KIF14: variants seen among roughly 807,000 people sequenced by gnomAD.
KIF14 encodes the protein kinesin-like protein KIF14.
A neutral mutation model predicts 176.2 loss-of-function variants in KIF14; 98 were observed. That is an observed-to-expected ratio of 0.56 (90% CI 0.47 to 0.66). The LOEUF (loss-of-function observed/expected upper bound fraction) is 0.66, where lower values mean the gene tolerates loss of function less well. Among genes scored for constraint, KIF14 ranks in the 30% least tolerant of loss-of-function variants. The pLI is 0.00. For missense variants in KIF14, 1,751 were observed against 1,920.4 expected (o/e 0.91, Z 1.65); for synonymous variants, 566 against 632.2 (o/e 0.90, Z 1.57).
chr1:200,576,773 G>A (rs927003602), intron 21 of KIF14, among the ~76,000 whole-genome samples: 3 of 151,994 alleles, frequency 2.0e-5, no homozygotes, highest in Admixed American at 6.6e-5. Flanking sequence ...TATACTTCAC[G>A]TTTATGACAT....
intron 19 of KIF14, 140 bp from the exon 20 acceptor site, chr1:200,581,434 AT>A (rs1658448646): frequency 2.4e-6 from 1 of 420,670 alleles, no homozygotes; most frequent in African/African-American, 2.1e-5. Context: ...GATAAGTGAT[AT>A]TTGAGTAATT....
At chr1:200,582,380 A>AG (rs1237729561) in intron 19 of KIF14, among the ~76,000 whole-genome samples, 2 of 152,036 alleles carry the variant, frequency 1.3e-5, no homozygotes, top group Non-Finnish European at 2.9e-5. Context: ...CTCAAAAAAA[A>AG]AAAATTTATC....
At chr1:200,593,573 AC>A in intron 15 of KIF14, 93 bp downstream of exon 15, 1 of 830,762 alleles carries the variant, frequency 1.2e-6, no homozygotes, top group Non-Finnish European at 2.0e-6. Context: ...CTGCTTCAAC[AC>A]CCTTATCTTA....
At chr1:200,576,474 T>C (rs1397461924) in intron 21 of KIF14, among the ~76,000 whole-genome samples, 1 of 114,200 alleles carries the variant, frequency 8.8e-6, no homozygotes, top group African/African-American at 3.8e-5. Flanking sequence ...CGAGACTCCG[T>C]CTCAAAAAAA....
chr1:200,565,887 C>G (rs1657421418), intron 23 of KIF14, among the ~76,000 whole-genome samples: 1 of 152,274 alleles, frequency 6.6e-6, no homozygotes, highest in Admixed American at 6.5e-5. Context: ...CCATGCTATA[C>G]TTGTGTATGT....
At position 200,553,396 on chromosome 1, in the gene KIF14, A is replaced by T. The variant is rs1274413806; in HGVS notation, c.4939T>A (p.Trp1647Arg). The T allele has an allele frequency of 6.2e-7, 1 of 1,605,566 alleles. No homozygotes were observed. Among genetic ancestry groups the T allele is most frequent in the Admixed American group, 1.7e-5 (1 of 58,528 alleles). The change falls in exon 30 of 30, where the codon TGG (tryptophan) becomes AGG (arginine). Residue 1647 changes from tryptophan (W) to arginine (R), a missense_variant. By Grantham distance (101) the Trp-to-Arg change is moderately radical (BLOSUM62 -3). Coordinates refer to ENST00000367350, the MANE Select transcript of KIF14 (RefSeq NM_014875.3). ...TGCCTACACATCAGTATTCACACCC[A>T]CTGAATCCTACTGGGTGTGCATTCC... is the stretch of plus-strand genomic sequence containing the variant. Reference protein sequence around the residue: ...SEECTPSRIQWV With the variant: ...SEECTPSRIQRV
intron 25 of KIF14, among the ~76,000 whole-genome samples, chr1:200,562,573 A>G (rs1657222070): frequency 6.6e-6 from 1 of 152,246 alleles, no homozygotes. Context: ...CTATTCTAGT[A>G]CTGCCTCTAA....
chr1:200,572,586 G>T (rs545461183), intron 22 of KIF14, among the ~76,000 whole-genome samples: 1 of 152,038 alleles, frequency 6.6e-6, no homozygotes, highest in African/African-American at 2.4e-5. Flanking sequence ...CTTGTGATCC[G>T]CCCACCTTGG....
intron 20 of KIF14, 148 bp downstream of exon 20, chr1:200,581,053 G>A (rs968726729): frequency 1.3e-5 from 5 of 393,296 alleles, no homozygotes; most frequent in Non-Finnish European, 2.3e-5. Flanking sequence ...GGTGGAGGTT[G>A]CAGTGAGCCC....
Position 200,618,010 on chromosome 1 carries a change from T to A in KIF14, c.714A>T (p.Lys238Asn). The A allele has an allele frequency of 6.2e-7, 1 of 1,614,198 alleles. No homozygotes were observed. The highest frequency in any genetic ancestry group is 8.5e-7 in the Non-Finnish European group (1 of 1,180,020). The change falls in exon 2 of 30, where the codon AAA becomes AAT. Residue 238 changes from lysine (K) to asparagine (N), a missense_variant. Transcript: ENST00000367350. ...EVVRSGHLTT[K>N]PTQSKLDIKV... ...TGATATCCAACTTGCTCTGAGTAGG[T>A]TTCGTTGTCAAGTGTCCTGATCTAA...
intron 4 of KIF14, among the ~76,000 whole-genome samples, chr1:200,610,293 G>T (rs1267786830): frequency 6.6e-6 from 1 of 152,110 alleles, no homozygotes; most frequent in Non-Finnish European, 1.5e-5. Flanking sequence ...GAGGTCAGGG[G>T]ATCGAGACCA....
At chr1:200,607,449 G>C (rs1659937542) in intron 5 of KIF14, among the ~76,000 whole-genome samples, 1 of 152,064 alleles carries the variant, frequency 6.6e-6, no homozygotes, top group South Asian at 2.1e-4. Context: ...TGTCTTCCTA[G>C]TTTTTCAGTA....
chr1:200,555,530 G>T, intron 27 of KIF14, 76 bp from the exon 28 acceptor site: 1 of 801,516 alleles, frequency 1.2e-6, no homozygotes, highest in Non-Finnish European at 1.8e-6. Flanking sequence ...CATGGGACCA[G>T]ACTTTTAAAA....
chr1:200,613,416 C>G (rs1660254385), intron 4 of KIF14, among the ~76,000 whole-genome samples: 1 of 152,170 alleles, frequency 6.6e-6, no homozygotes, highest in South Asian at 2.1e-4. Flanking sequence ...CTCCCTCCAA[C>G]TTTATATGTC....
chr1:200,606,855 G>T, intron 5 of KIF14, 57 bp from the exon 6 acceptor site: 1 of 1,319,034 alleles, frequency 7.6e-7, no homozygotes, highest in Non-Finnish European at 1.1e-6. Context: ...CATGTAACTT[G>T]AAATGATCAC....
At chr1:200,609,679 G>C (rs1191394014) in intron 4 of KIF14, among the ~76,000 whole-genome samples, 3 of 152,038 alleles carry the variant, frequency 2.0e-5, no homozygotes, top group Non-Finnish European at 2.9e-5. Flanking sequence ...ATAGAAATTT[G>C]GAAATTCCAC....
Position 200,575,576 on chromosome 1 carries a change from C to T in KIF14, c.3566+15G>A, listed in dbSNP as rs777794347. The T allele has an allele frequency of 2.6e-6, 4 of 1,523,468 alleles. No individual in the cohort carries two copies. In the Admixed American group the frequency reaches 5.5e-5, roughly 21 times the overall value. 94.4% of individuals were successfully genotyped at this position (1,523,468 alleles called of 1,614,324 possible). A position where few individuals can be genotyped will look rare whatever the true frequency, so the allele number is the denominator to read the frequency against. ...ACACAAAGTGCAAGAAAACTAGTAA[C>T]AAAATTGTCTTTACCTCCTTCTAGA... is the stretch of plus-strand genomic sequence containing the variant. On this transcript the variant is annotated intron_variant, in intron 22 of 29. Coordinates refer to ENST00000367350, the MANE Select transcript of KIF14 (RefSeq NM_014875.3).
chr1:200,580,780 C>T (rs1658397555), intron 20 of KIF14, among the ~76,000 whole-genome samples: 1 of 152,000 alleles, frequency 6.6e-6, no homozygotes, highest in African/African-American at 2.4e-5. Flanking sequence ...GATTCTGATA[C>T]CAGCTCTTTC....
At chr1:200,560,523 C>T (rs1306331602) in intron 26 of KIF14, among the ~76,000 whole-genome samples, 199 bp downstream of exon 26, 1 of 152,042 alleles carries the variant, frequency 6.6e-6, no homozygotes. Context: ...CCACCTGCCT[C>T]GGCCTCCCAA....
Sources: allele counts gnomAD v4.1 joint callset (sites outside exome capture counted in the v4.1 genomes callset), GRCh38; gene constraint gnomAD v4.1.1; transcripts MANE v1.5; gene names NCBI Gene and HGNC (gene_info 2026-07-23, HGNC 2026-07-21).